PRELID2: variants seen among roughly 807,000 people sequenced by gnomAD.
PRELID2 encodes PRELI domain-containing protein 2.
A neutral mutation model predicts 28.4 loss-of-function variants in PRELID2; 25 were observed. The ratio of observed to expected loss-of-function variants is 0.88; its 90% confidence interval spans 0.64 to 1.23. The LOEUF (loss-of-function observed/expected upper bound fraction) is 1.23, where lower values mean the gene tolerates loss of function less well. Among genes scored for constraint, PRELID2 ranks in the 50% most tolerant of loss-of-function variants. PRELID2 has a pLI of 0.00. For synonymous variants in PRELID2, 76 were observed against 71.6 expected, an observed-to-expected ratio of 1.06 and a Z score of -0.31; for missense variants, 201 against 214.4, an observed-to-expected ratio of 0.94 and a Z score of 0.39.
intron 1 of PRELID2, among the ~76,000 whole-genome samples, chr5:145,489,378 C>T (rs1282141696): frequency 6.6e-6 from 1 of 152,102 alleles, no homozygotes; most frequent in African/African-American, 2.4e-5. Flanking sequence ...GATAGTAATA[C>T]TGTTAATATT....
At chr5:145,739,477 C>G (rs1756589423) in intron 1 of PRELID2, among the ~76,000 whole-genome samples, 1 of 152,030 alleles carries the variant, frequency 6.6e-6, no homozygotes, top group Non-Finnish European at 1.5e-5. Flanking sequence ...TGCACTCTAG[C>G]CTGGGCAACA....
chr5:145,782,770 T>C (rs1361395241), intron 5 of PRELID2, among the ~76,000 whole-genome samples: 2 of 152,248 alleles, frequency 1.3e-5, no homozygotes, highest in Non-Finnish European at 2.9e-5. Flanking sequence ...CTTAAATCCC[T>C]AGTTAGCTTA....
intron 1 of PRELID2, among the ~76,000 whole-genome samples, chr5:145,545,014 A>T (rs1194479724): frequency 6.6e-6 from 1 of 152,156 alleles, no homozygotes; most frequent in Non-Finnish European, 1.5e-5. Flanking sequence ...TTGCAAGTAC[A>T]AGTTCAATTT....
At chr5:145,326,103 G>C in the PRELID2 span, among the ~76,000 whole-genome samples, 1 of 152,244 alleles carries the variant, frequency 6.6e-6, no homozygotes, top group African/African-American at 2.4e-5. Flanking sequence ...CAATCTTTGA[G>C]CTCAAGCGAT....
At chr5:145,422,662 A>G in the PRELID2 span, among the ~76,000 whole-genome samples, 1 of 151,992 alleles carries the variant, frequency 6.6e-6, no homozygotes. Flanking sequence ...TGAATACAGC[A>G]CACTGATGGG....
chr5:145,368,723 T>C, the PRELID2 span, among the ~76,000 whole-genome samples: 1 of 152,126 alleles, frequency 6.6e-6, no homozygotes, highest in East Asian at 1.9e-4. Flanking sequence ...TTCTTAATAA[T>C]AGGCTTTCTT....
At chr5:145,281,795 G>T in the PRELID2 span, among the ~76,000 whole-genome samples, 1 of 152,160 alleles carries the variant, frequency 6.6e-6, no homozygotes, top group Non-Finnish European at 1.5e-5. Context: ...ATCCAAATTA[G>T]AATTGTATGG....
the PRELID2 span, among the ~76,000 whole-genome samples, chr5:145,299,542 C>T: frequency 6.6e-6 from 1 of 151,912 alleles, no homozygotes; most frequent in African/African-American, 2.4e-5. Context: ...TGTTTCTCTG[C>T]ACTGTGTATG....
the PRELID2 span, among the ~76,000 whole-genome samples, chr5:145,245,383 G>C: frequency 6.6e-6 from 1 of 152,046 alleles, no homozygotes; most frequent in Admixed American, 6.6e-5. Flanking sequence ...GACACGGAAA[G>C]AGAAAGTGAG....
chr5:145,734,972 C>T (rs1193324923), intron 1 of PRELID2, among the ~76,000 whole-genome samples: 5 of 152,106 alleles, frequency 3.3e-5, no homozygotes, highest in Admixed American at 1.3e-4. Context: ...TACAGCTGGG[C>T]GCAGTGGCTC....
At chr5:145,786,498 AG>A (rs1450572285) in intron 5 of PRELID2, among the ~76,000 whole-genome samples, 1 of 152,204 alleles carries the variant, frequency 6.6e-6, no homozygotes, top group African/African-American at 2.4e-5. Flanking sequence ...GAATCCTACC[AG>A]CAACCATGTG....
the PRELID2 span, among the ~76,000 whole-genome samples, chr5:145,393,719 A>C: frequency 6.6e-6 from 1 of 152,200 alleles, no homozygotes; most frequent in Non-Finnish European, 1.5e-5. Flanking sequence ...CTATTTACAC[A>C]TCAAGTTAGG....
intron 1 of PRELID2, among the ~76,000 whole-genome samples, chr5:145,566,839 CAA>C (rs537384269): frequency 0.12 from 6,913 of 57,872 alleles, 381 homozygotes; most frequent in African/African-American, 0.26. Flanking sequence ...GACTCCATCT[CAA>C]AAAAAAAAAA....
At chr5:145,611,155 C>T (rs1007414388) in intron 1 of PRELID2, among the ~76,000 whole-genome samples, 23 of 151,758 alleles carry the variant, frequency 1.5e-4, no homozygotes, top group East Asian at 3.9e-4. Context: ...AACTGAGAAA[C>T]GAATTTAGCA....
At chr5:145,595,290 A>G (rs1753289230) in intron 1 of PRELID2, among the ~76,000 whole-genome samples, 2 of 151,780 alleles carry the variant, frequency 1.3e-5, no homozygotes, top group Non-Finnish European at 2.9e-5. Flanking sequence ...TTTTTTTGGC[A>G]CGGCCTTTCT....
At chr5:145,790,129 G>A (rs541528628) in intron 5 of PRELID2, among the ~76,000 whole-genome samples, 1 of 152,292 alleles carries the variant, frequency 6.6e-6, no homozygotes, top group East Asian at 1.9e-4. Flanking sequence ...ATATGATCCA[G>A]CAATCCCACT....
intron 4 of PRELID2, among the ~76,000 whole-genome samples, chr5:145,816,360 G>A (rs752788600): frequency 3.3e-5 from 5 of 151,972 alleles, no homozygotes; most frequent in Non-Finnish European, 7.4e-5. Flanking sequence ...AGGATTACAG[G>A]CATGAGTCAC....
chr5:145,263,108 T>TA, the PRELID2 span, among the ~76,000 whole-genome samples: 3 of 151,784 alleles, frequency 2.0e-5, no homozygotes, highest in Non-Finnish European at 4.4e-5. Context: ...TATGTAAAAA[T>TA]AAAAAAACTC....
the PRELID2 span, among the ~76,000 whole-genome samples, chr5:145,306,654 C>G: frequency 6.6e-6 from 1 of 151,902 alleles, no homozygotes; most frequent in Non-Finnish European, 1.5e-5. Context: ...TTTTACAGTA[C>G]TATTATCAGT....
Sources: allele counts gnomAD v4.1 joint callset (sites outside exome capture counted in the v4.1 genomes callset), GRCh38; gene constraint gnomAD v4.1.1; transcripts MANE v1.5; gene names NCBI Gene and HGNC (gene_info 2026-07-23, HGNC 2026-07-21).